INPP4B: variants seen among roughly 807,000 people sequenced by gnomAD.
INPP4B encodes inositol polyphosphate-4-phosphatase type II B.
Under a neutral mutation model 122.5 loss-of-function variants are expected in INPP4B, and 55 were observed. The ratio of observed to expected loss-of-function variants is 0.45; its 90% CI spans 0.36 to 0.56. INPP4B has a LOEUF of 0.56. INPP4B is among the 20% of genes least tolerant of loss of function. INPP4B has a pLI of 0.00. For missense variants in INPP4B, 1,000 were observed against 1,097.7 expected, an observed-to-expected ratio of 0.91 and a Z score of 1.26; for synonymous variants, 403 against 388.7, an observed-to-expected ratio of 1.04 and a Z score of -0.43.
In INPP4B at chr4:142,188,514, A is replaced by ATAT. The variant is rs1319182103; in HGVS notation, c.1181+4572_1181+4573insATA. Among the ~76,000 whole-genome samples the ATAT allele has an allele frequency of 6.7e-4, 78 of 116,272 alleles. 1 individual carries two copies. The South Asian group carries it at 9.3e-3, about 14-fold the overall frequency. The allele number at this position is 116,272 out of a possible 152,430, so 76.3% of individuals were successfully genotyped here. On this transcript the variant is annotated intron_variant, in intron 15 of 25. Coordinates refer to ENST00000262992, the MANE Select transcript of INPP4B (RefSeq NM_001101669.3). ...AAAAAAAAAAAAAAAAAAAAAAGAA[A>ATAT]AAAAATATATATAGCTTGACTTATG... is the stretch of plus-strand genomic sequence containing the variant.
At chr4:142,306,726 C>T (rs1179212564) in intron 8 of INPP4B, among the ~76,000 whole-genome samples, 5 of 152,104 alleles carry the variant, frequency 3.3e-5, no homozygotes, top group East Asian at 1.9e-4. Flanking sequence ...ACACGCTGGT[C>T]GTGGTGGCTC....
Position 142,270,562 on chromosome 4 carries a change from T to C in INPP4B, c.615+101A>G, listed in dbSNP as rs1745257032. 3 of 792,616 alleles carry C rather than the reference T, an allele frequency of 3.8e-6. No individual in the cohort carries two copies. In the East Asian group the frequency reaches 7.4e-5, roughly 19 times the overall value. 49.1% of individuals were successfully genotyped at this position (792,616 alleles called of 1,614,324 possible). On this transcript the variant is annotated intron_variant, in intron 10 of 25. Transcript: ENST00000262992. Reference sequence around the variant, plus strand: ...AGCTGTTGTCCCATTTAGGTTTTGATAATGAGATTTCAAACCCCACAGAGA... The same window carrying C: ...AGCTGTTGTCCCATTTAGGTTTTGACAATGAGATTTCAAACCCCACAGAGA...
At chr4:142,155,337 C>T (rs1816621358) in intron 17 of INPP4B, among the ~76,000 whole-genome samples, 1 of 152,052 alleles carries the variant, frequency 6.6e-6, no homozygotes, top group South Asian at 2.1e-4. Flanking sequence ...TGCATGGTCT[C>T]AATGTTTTTC....
At chr4:142,520,389 C>T (rs148094696) in intron 2 of INPP4B, among the ~76,000 whole-genome samples, 82 of 151,848 alleles carry the variant, frequency 5.4e-4, no homozygotes, top group African/African-American at 1.8e-3. Flanking sequence ...CATTTAATAC[C>T]CATATTAATA....
At chr4:142,130,616 A>G (rs1221004752) in intron 18 of INPP4B, among the ~76,000 whole-genome samples, 1 of 152,212 alleles carries the variant, frequency 6.6e-6, no homozygotes, top group East Asian at 1.9e-4. Flanking sequence ...TAGCATGTGA[A>G]TGTACTTTCC....
At chr4:142,720,668 G>T in intron 2 of INPP4B, among the ~76,000 whole-genome samples, 1 of 132,496 alleles carries the variant, frequency 7.5e-6, no homozygotes, top group Admixed American at 8.2e-5. Flanking sequence ...TTCCCAGTTG[G>T]TTGAATCTAT....
chr4:142,611,435 G>A (rs1357808818), intron 2 of INPP4B, among the ~76,000 whole-genome samples: 1 of 151,668 alleles, frequency 6.6e-6, no homozygotes, highest in Non-Finnish European at 1.5e-5. Flanking sequence ...GTTTTGTTTT[G>A]TTAGCTTCAA....
intron 25 of INPP4B, among the ~76,000 whole-genome samples, chr4:142,069,395 C>T (rs1052165542): frequency 1.3e-5 from 2 of 152,072 alleles, no homozygotes; most frequent in Non-Finnish European, 2.9e-5. Flanking sequence ...GATCTAAAAT[C>T]AACACCTTAA....
intron 1 of INPP4B, among the ~76,000 whole-genome samples, chr4:142,821,097 G>T (rs963252809): frequency 5.3e-5 from 8 of 152,022 alleles, no homozygotes; most frequent in Non-Finnish European, 1.2e-4. Flanking sequence ...CAATATGCAG[G>T]CTTGCTCCTT....
chr4:142,266,983 A>T (rs900566883), intron 10 of INPP4B, among the ~76,000 whole-genome samples: 1 of 152,192 alleles, frequency 6.6e-6, no homozygotes, highest in African/African-American at 2.4e-5. Flanking sequence ...AAAAATACTT[A>T]TAAGTAAATT....
chr4:142,719,139 A>G (rs1764184518), intron 2 of INPP4B, among the ~76,000 whole-genome samples: 1 of 152,140 alleles, frequency 6.6e-6, no homozygotes, highest in South Asian at 2.1e-4. Context: ...TATCACTTAC[A>G]AACCTGCTTC....
In INPP4B at chr4:142,762,159, A is replaced by C. The variant is rs114045779; in HGVS notation, c.-253-36258T>G. On this transcript the variant is annotated intron_variant, in intron 1 of 25. Transcript: ENST00000262992. ...TTTTGATGCACTCTACACACTCTAC[A>C]TGTCTGTGTTAAGTGCCCTGGCTCT... Among the ~76,000 whole-genome samples, 339 of 152,124 alleles carry C rather than the reference A, an allele frequency of 2.2e-3. 2 individuals are homozygous for C. The highest frequency in any genetic ancestry group is 7.7e-3 in the African/African-American group (319 of 41,528).
rs1175145156 is a variant in INPP4B, at chr4:142,028,489, A to ATACTC, written c.*288_*292dup. 1 of 355,750 alleles carries ATACTC rather than the reference A, an allele frequency of 2.8e-6. No individual in the cohort carries two copies. Among genetic ancestry groups the ATACTC allele is most frequent in the African/African-American group, 2.1e-5 (1 of 48,722 alleles). The allele number at this position is 355,750 out of a possible 1,614,324, so 22.0% of individuals were successfully genotyped here. A position where few individuals can be genotyped will look rare whatever the true frequency, so the allele number is the denominator to read the frequency against. On this transcript the variant is annotated 3_prime_UTR_variant, in exon 26 of 26. Transcript: ENST00000262992. ...TCCATGTTTCCTCAGAAACATTTAA[A>ATACTC]TACTCATGAATGAAATTTACACTTT...
chr4:142,607,945 G>A (rs1484745885), intron 2 of INPP4B, among the ~76,000 whole-genome samples: 1 of 152,086 alleles, frequency 6.6e-6, no homozygotes, highest in Non-Finnish European at 1.5e-5. Flanking sequence ...CTTCCTCTAT[G>A]GACAAAGACA....
Position 142,341,855 on chromosome 4 carries a change from G to GTCATA in INPP4B, c.373-27098_373-27094dup, listed in dbSNP as rs556697201. Reference sequence around the variant, plus strand: ...AGCTAGCAGAAATCTGGAGTCTTCAGTCATACAGCCAAAAAGAGCTGAATC... The same window carrying GTCATA: ...AGCTAGCAGAAATCTGGAGTCTTCAGTCATATCATACAGCCAAAAAGAGCTGAATC... On this transcript the variant is annotated intron_variant, in intron 7 of 25. Coordinates refer to ENST00000262992, the MANE Select transcript of INPP4B (RefSeq NM_001101669.3). Among the ~76,000 whole-genome samples, 26 of 152,222 alleles carry GTCATA rather than the reference G, an allele frequency of 1.7e-4. No individual in the cohort carries two copies. In the East Asian group the frequency reaches 4.8e-3, roughly 28 times the overall value.
At chr4:142,204,711 G>A (rs773496324) in intron 14 of INPP4B, among the ~76,000 whole-genome samples, 1 of 152,034 alleles carries the variant, frequency 6.6e-6, no homozygotes, top group Admixed American at 6.6e-5. Context: ...GAGGGCAGGA[G>A]AACACCATGA....
At chr4:142,078,315 TCTTA>T (rs1376941462) in intron 25 of INPP4B, among the ~76,000 whole-genome samples, 3 of 152,034 alleles carry the variant, frequency 2.0e-5, no homozygotes, top group African/African-American at 7.2e-5. Context: ...ATAATAAGAC[TCTTA>T]CTTTCATATT....
chr4:142,064,594 T>A (rs1305259437), intron 25 of INPP4B, among the ~76,000 whole-genome samples: 2 of 152,196 alleles, frequency 1.3e-5, no homozygotes, highest in Non-Finnish European at 2.9e-5. Context: ...ATAAAATTGG[T>A]TCATTCTTGT....
intron 2 of INPP4B, among the ~76,000 whole-genome samples, chr4:142,655,402 A>G (rs1753934297): frequency 6.6e-6 from 1 of 152,088 alleles, no homozygotes; most frequent in Non-Finnish European, 1.5e-5. Flanking sequence ...CAATGAACCA[A>G]ACTCTTTCAG....
Sources: allele counts gnomAD v4.1 joint callset (sites outside exome capture counted in the v4.1 genomes callset), GRCh38; gene constraint gnomAD v4.1.1; transcripts MANE v1.5; gene names NCBI Gene and HGNC (gene_info 2026-07-23, HGNC 2026-07-21).